The following MEMO1 variants were observed in gnomAD, a reference collection of about 807,000 sequenced individuals.
MEMO1 encodes protein MEMO1.
A neutral mutation model predicts 45.2 loss-of-function variants in MEMO1; 6 were observed. That is an observed-to-expected ratio of 0.13 (90% confidence interval 0.07 to 0.26). MEMO1 has a LOEUF of 0.26. MEMO1 is among the 10% of genes least tolerant of loss of function. MEMO1 has a pLI of 1.00. For synonymous variants in MEMO1, 78 were observed against 124.3 expected, an observed-to-expected ratio of 0.63 and a Z score of 2.48; for missense variants, 184 against 370.5, an observed-to-expected ratio of 0.50 and a Z score of 4.13.
chr2:31,991,383 C>T (rs189713358), intron 2 of MEMO1, among the ~76,000 whole-genome samples: 1 of 152,068 alleles, frequency 6.6e-6, no homozygotes, highest in African/African-American at 2.4e-5. Flanking sequence ...ACCAGCATGA[C>T]CAACACGGAG....
At chr2:31,992,789 T>TA (rs930697344) in intron 2 of MEMO1, among the ~76,000 whole-genome samples, 24 of 147,982 alleles carry the variant, frequency 1.6e-4, no homozygotes, top group Non-Finnish European at 2.2e-4. Context: ...GTCTCAAATT[T>TA]AAAAAAAAAA....
At chr2:31,938,322 G>T (rs1428846555) in intron 3 of MEMO1, among the ~76,000 whole-genome samples, 4 of 151,718 alleles carry the variant, frequency 2.6e-5, no homozygotes, top group Admixed American at 6.6e-5. Context: ...AGGTTTCCAT[G>T]ATATGATTTA....
intron 2 of MEMO1, among the ~76,000 whole-genome samples, chr2:31,947,071 T>C (rs1558524828): frequency 6.6e-6 from 1 of 152,106 alleles, no homozygotes; most frequent in Non-Finnish European, 1.5e-5. Flanking sequence ...AACAACGAAA[T>C]GGCCTAACCA....
At chr2:31,934,482 A>G (rs1664672516) in intron 3 of MEMO1, among the ~76,000 whole-genome samples, 1 of 152,030 alleles carries the variant, frequency 6.6e-6, no homozygotes, top group African/African-American at 2.4e-5. Flanking sequence ...AAAAAAAAAA[A>G]ACAAGAAAAG....
At chr2:31,930,811 A>ATTTT (rs376524077) in intron 4 of MEMO1, among the ~76,000 whole-genome samples, 3 of 126,094 alleles carry the variant, frequency 2.4e-5, no homozygotes, top group African/African-American at 9.4e-5. Context: ...ACGCCTGGCA[A>ATTTT]TTTTTTTTTT....
chr2:31,992,789 T>TAAAAAAAAAAAA (rs930697344), intron 2 of MEMO1, among the ~76,000 whole-genome samples: 92 of 147,956 alleles, frequency 6.2e-4, no homozygotes, highest in African/African-American at 2.2e-3. Context: ...GTCTCAAATT[T>TAAAAAAAAAAAA]AAAAAAAAAA....
intron 2 of MEMO1, among the ~76,000 whole-genome samples, chr2:31,971,159 G>A (rs1669346918): frequency 6.6e-6 from 1 of 152,154 alleles, no homozygotes; most frequent in South Asian, 2.1e-4. Flanking sequence ...ACCATCTGCA[G>A]GATATGTTTG....
At chr2:31,894,018 G>C (rs964910953) in intron 6 of MEMO1, among the ~76,000 whole-genome samples, 2 of 152,126 alleles carry the variant, frequency 1.3e-5, no homozygotes. Context: ...GCTTTGAAAT[G>C]TAATACTACT....
chr2:31,881,495 TAAAAAAAAA>T (rs34058748), intron 8 of MEMO1, among the ~76,000 whole-genome samples: 4 of 68,446 alleles, frequency 5.8e-5, no homozygotes, highest in South Asian at 6.0e-4. Context: ...AGCCTGTCTT[TAAAAAAAAA>T]AAAAAAAAAA....
At chr2:31,988,489 G>A (rs1156788036) in intron 2 of MEMO1, among the ~76,000 whole-genome samples, 1 of 152,154 alleles carries the variant, frequency 6.6e-6, no homozygotes, top group East Asian at 1.9e-4. Context: ...AGAGGTTGCA[G>A]TGAGCCAAGA....
At chr2:31,943,180 G>A (rs561980106) in intron 3 of MEMO1, 122 bp downstream of exon 3, 203 of 743,088 alleles carry the variant, frequency 2.7e-4, no homozygotes, top group Non-Finnish European at 3.9e-4. Flanking sequence ...CAGGAGAGTC[G>A]CTTGAACCTG....
rs2147854669 is a variant in MEMO1 at position 31,868,040 on chromosome 2, G to C, written c.*321C>G. 5.7e-6 allele frequency: 1 copy of C among 176,382 alleles called. No homozygotes were observed. The highest frequency in any genetic ancestry group is 1.5e-4 in the East Asian group (1 of 6,740). 10.9% of individuals were successfully genotyped at this position (176,382 alleles called of 1,614,324 possible). ...ATATATGTGCACAAGTCTGCAAAGA[G>C]TGCAAATTTAGGATATGGTAAATGC... is the stretch of plus-strand genomic sequence containing the variant. On this transcript the variant is annotated 3_prime_UTR_variant, in exon 10 of 10. Coordinates refer to ENST00000404530, the MANE Select transcript of MEMO1 (RefSeq NM_001301833.4).
intron 2 of MEMO1, among the ~76,000 whole-genome samples, chr2:31,979,854 C>T (rs921338699): frequency 2.6e-5 from 4 of 151,926 alleles, no homozygotes; most frequent in Admixed American, 1.3e-4. Flanking sequence ...CTCGTTTGTA[C>T]TTATTTTCTA....
Position 31,920,788 on chromosome 2 carries a change from A to G in MEMO1, c.325+10T>C. ...GCTATTTGAAAGCTATAATATTTCT[A>G]TATACTTACTCTTTTGGTCAATACG... is the stretch of plus-strand genomic sequence containing the variant. On this transcript the variant is annotated intron_variant, in intron 5 of 9. Transcript: ENST00000404530. The G allele has an allele frequency of 6.8e-7, 1 of 1,473,884 alleles. No homozygotes were observed. Among genetic ancestry groups the G allele is most frequent in the Non-Finnish European group, 9.2e-7 (1 of 1,087,270 alleles). The allele number at this position is 1,473,884 out of a possible 1,614,324, so 91.3% of individuals were successfully genotyped here.
At chr2:31,924,781 A>C (rs931844192) in intron 4 of MEMO1, among the ~76,000 whole-genome samples, 3 of 152,324 alleles carry the variant, frequency 2.0e-5, no homozygotes, top group Admixed American at 6.5e-5. Flanking sequence ...GCTGAAAAAT[A>C]TGTATCAAAA....
rs538474146 is a variant in MEMO1 at position 31,887,182 on chromosome 2, G to C, written c.581-3720C>G. The stretch of plus-strand genomic sequence containing the variant: ...CACAGAGTGTGGAGAATAAGCTCCA[G>C]GGATGTCTGTTTAACACACAACAAT... On this transcript the variant is annotated intron_variant, in intron 7 of 9. Coordinates refer to ENST00000404530, the MANE Select transcript of MEMO1 (RefSeq NM_001301833.4). 2.6e-5 allele frequency among the ~76,000 whole-genome samples: 4 copies of C among 152,262 alleles called. No individual in the cohort carries two copies. In the South Asian group the frequency reaches 8.3e-4, roughly 32 times the overall value.
intron 2 of MEMO1, among the ~76,000 whole-genome samples, chr2:32,006,537 T>C (rs1249909414): frequency 1.3e-5 from 2 of 151,914 alleles, no homozygotes; most frequent in African/African-American, 4.8e-5. Flanking sequence ...TTTTTGTTTG[T>C]TTTTTAAACA....
intron 2 of MEMO1, 108 bp from the exon 3 acceptor site, chr2:31,943,491 T>G (rs1056839032): frequency 2.5e-6 from 2 of 784,982 alleles, no homozygotes. Context: ...ACTAGCTTAA[T>G]GCGCAATAGG....
intron 3 of MEMO1, among the ~76,000 whole-genome samples, chr2:31,936,659 T>C (rs745750591): frequency 3.3e-5 from 5 of 152,210 alleles, no homozygotes; most frequent in Admixed American, 1.3e-4. Flanking sequence ...ATTCTTACCA[T>C]AGAAAAATGA....
Sources: allele counts gnomAD v4.1 joint callset (sites outside exome capture counted in the v4.1 genomes callset), GRCh38; gene constraint gnomAD v4.1.1; transcripts MANE v1.5; gene names NCBI Gene and HGNC (gene_info 2026-07-23, HGNC 2026-07-21).